SYN3: variants seen among roughly 807,000 people sequenced by gnomAD.
The protein encoded by SYN3 is synapsin-3.
A neutral mutation model predicts 65.8 loss-of-function variants in SYN3; 35 were observed. The observed-to-expected ratio is 0.53, with a 90% CI of 0.41 to 0.70. The LOEUF is 0.70. Ranked by LOEUF, SYN3 falls within the 30% of genes least tolerant of loss-of-function variation. The pLI, the probability that SYN3 is intolerant of heterozygous loss-of-function variation, is 0.00. For missense variants in SYN3, 680 were observed against 749.0 expected, an observed-to-expected ratio of 0.91 and a Z score of 1.08; for synonymous variants, 270 against 292.9, an observed-to-expected ratio of 0.92 and a Z score of 0.80.
intron 6 of SYN3, among the ~76,000 whole-genome samples, chr22:32,685,323 T>C (rs758262489): frequency 9.9e-4 from 150 of 152,264 alleles, no homozygotes; most frequent in Non-Finnish European, 1.9e-3. Context: ...AGATGAATGA[T>C]GAAAGTGAGA....
At position 32,980,812 on chromosome 22, in the gene SYN3, A is replaced by T. The variant is rs1162696719; in HGVS notation, c.312-110T>A. 1.4e-5 allele frequency: 13 copies of T among 897,918 alleles called. No homozygotes were observed. The Admixed American group carries it at 2.4e-4, about 16-fold the overall frequency. The allele number at this position is 897,918 out of a possible 1,614,324, so 55.6% of individuals were successfully genotyped here. A position where few individuals can be genotyped will look rare whatever the true frequency, so the allele number is the denominator to read the frequency against. On this transcript the variant is annotated intron_variant, in intron 2 of 13. Coordinates refer to ENST00000358763, the MANE Select transcript of SYN3 (RefSeq NM_003490.4). ...TGCATATTGAGACACATCCTCAGCC[A>T]TCCTACTGTCTCCTCCCACCTTCAC...
At chr22:32,537,989 C>G (rs2146214105) in intron 9 of SYN3, 47 bp downstream of exon 9, 1 of 1,566,456 alleles carries the variant, frequency 6.4e-7, no homozygotes, top group East Asian at 2.2e-5. Flanking sequence ...CCCCCTTCAG[C>G]TCCTACTATG....
intron 6 of SYN3, among the ~76,000 whole-genome samples, chr22:32,732,148 C>T (rs1228334780): frequency 6.6e-6 from 1 of 152,138 alleles, no homozygotes; most frequent in Non-Finnish European, 1.5e-5. Context: ...AATGGTGAAC[C>T]TCTGTTTGGG....
At chr22:32,584,671 C>T (rs556923740) in intron 7 of SYN3, among the ~76,000 whole-genome samples, 1 of 152,348 alleles carries the variant, frequency 6.6e-6, no homozygotes, top group South Asian at 2.1e-4. Context: ...TCCTGGGCCT[C>T]TGTCCCTCTT....
intron 6 of SYN3, among the ~76,000 whole-genome samples, chr22:32,688,732 G>GA (rs1555925538): frequency 6.6e-6 from 1 of 150,492 alleles, no homozygotes; most frequent in Admixed American, 6.6e-5. Context: ...CCTGCCTGGG[G>GA]CTGTCCAGCC....
At chr22:32,706,607 G>C (rs932753001) in intron 6 of SYN3, among the ~76,000 whole-genome samples, 1 of 152,216 alleles carries the variant, frequency 6.6e-6, no homozygotes, top group African/African-American at 2.4e-5. Flanking sequence ...TGTAGAAAAA[G>C]GGAGACCATG....
intron 6 of SYN3, among the ~76,000 whole-genome samples, chr22:32,811,929 C>A (rs898830178): frequency 1.3e-5 from 2 of 152,142 alleles, no homozygotes; most frequent in Admixed American, 6.5e-5. Flanking sequence ...GGAATGGTGA[C>A]AATGAACTTG....
At chr22:32,995,776 C>T (rs2052861298) in intron 2 of SYN3, among the ~76,000 whole-genome samples, 1 of 152,118 alleles carries the variant, frequency 6.6e-6, no homozygotes, top group South Asian at 2.1e-4. Flanking sequence ...GATTCTCCTG[C>T]CTCAGCCTCC....
rs142265523 is a variant in SYN3, at chr22:32,718,135, T to C, written c.712-121399A>G. Among the ~76,000 whole-genome samples, 115 of 152,176 alleles carry C rather than the reference T, an allele frequency of 7.6e-4. 1 individual carries two copies. The highest frequency in any genetic ancestry group is 1.3e-3 in the Non-Finnish European group (91 of 68,004). ...CAGCTGGAGCAGGGTGGGGTGGAGATTGATTGGTGCTGTGCTACTCCCAGT... is the reference window on the plus strand; with the variant it reads ...CAGCTGGAGCAGGGTGGGGTGGAGACTGATTGGTGCTGTGCTACTCCCAGT... On this transcript the variant is annotated intron_variant, in intron 6 of 13. Transcript: ENST00000358763.
At chr22:32,714,893 A>G (rs1011929116) in intron 6 of SYN3, among the ~76,000 whole-genome samples, 10 of 152,216 alleles carry the variant, frequency 6.6e-5, no homozygotes, top group African/African-American at 2.4e-5. Flanking sequence ...CATACTTAGC[A>G]TATAGTAGAT....
rs141288673 is a variant in SYN3 at position 32,518,080 on chromosome 22, C to G, written c.1573G>C (p.Glu525Gln). 791 of 1,541,192 alleles carry G rather than the reference C, an allele frequency of 5.1e-4. 17 individuals are homozygous for G. The East Asian group carries it at 0.016, about 32-fold the overall frequency. ...TGGGGTGGTGCTGGCTTCTTGGACT[C>G]TTCACCCTGCTGGGAGGTACTACGG... ...QGRSTSQQGEESKKPAPPHPH... is the reference protein window; with the variant it reads ...QGRSTSQQGEQSKKPAPPHPH... Residue 525 changes from glutamate (E) to glutamine (Q), a missense_variant, in exon 13 of 14, where the codon GAG (glutamate) becomes CAG (glutamine). Coordinates refer to ENST00000358763, the MANE Select transcript of SYN3 (RefSeq NM_003490.4).
At chr22:32,668,729 C>G (rs977556223) in intron 6 of SYN3, among the ~76,000 whole-genome samples, 1 of 152,188 alleles carries the variant, frequency 6.6e-6, no homozygotes, top group Admixed American at 6.5e-5. Flanking sequence ...GTGAGTCTAT[C>G]TGGGGATGAG....
chr22:32,984,776 G>T (rs695224), intron 2 of SYN3, among the ~76,000 whole-genome samples: 8,288 of 152,158 alleles, frequency 0.054, 722 homozygotes, highest in African/African-American at 0.18. Context: ...AGTACTGGGT[G>T]GGCCTGGGAC....
intron 3 of SYN3, among the ~76,000 whole-genome samples, chr22:32,962,406 T>A (rs1052057058): frequency 2.6e-5 from 4 of 152,186 alleles, no homozygotes; most frequent in Non-Finnish European, 2.9e-5. Context: ...AGTGCTGGGA[T>A]TACAGGCGTG....
At chr22:32,713,877 C>T (rs1007417045) in intron 6 of SYN3, among the ~76,000 whole-genome samples, 1 of 151,220 alleles carries the variant, frequency 6.6e-6, no homozygotes, top group Non-Finnish European at 1.5e-5. Flanking sequence ...AGCACCAAAT[C>T]TGCATCAACA....
At chr22:32,925,007 G>T (rs1440121390) in intron 4 of SYN3, among the ~76,000 whole-genome samples, 1 of 152,084 alleles carries the variant, frequency 6.6e-6, no homozygotes, top group African/African-American at 2.4e-5. Flanking sequence ...TGGGTGGACC[G>T]CTTGAGCCCA....
intron 6 of SYN3, chr22:32,862,252 C>T (rs981040897): frequency 3.9e-5 from 6 of 152,258 alleles, no homozygotes; most frequent in African/African-American, 1.2e-4. Context: ...TCCAAGTTCT[C>T]GCTTCCTCCT....
At chr22:32,879,412 G>A (rs558824464) in intron 4 of SYN3, among the ~76,000 whole-genome samples, 1 of 152,314 alleles carries the variant, frequency 6.6e-6, no homozygotes, top group South Asian at 2.1e-4. Context: ...TCACATTTCT[G>A]GAGGCTAAGA....
At chr22:32,604,606 C>CT (rs2059340407) in intron 6 of SYN3, among the ~76,000 whole-genome samples, 6 of 152,136 alleles carry the variant, frequency 3.9e-5, no homozygotes, top group Admixed American at 6.6e-5. Flanking sequence ...GAAATTCTGT[C>CT]CCTGAAAAGC....
Sources: gnomAD v4.1 joint callset for allele counts (sites outside exome capture counted in the v4.1 genomes callset) on GRCh38, gnomAD v4.1.1 for gene constraint, MANE v1.5 for transcripts, NCBI Gene and HGNC (gene_info 2026-07-23, HGNC 2026-07-21) for gene names.